The following DLG1 variants were observed in gnomAD, a reference collection of about 807,000 sequenced individuals.
DLG1 encodes discs large MAGUK scaffold protein 1.
A neutral mutation model predicts 123.4 loss-of-function variants in DLG1; 42 were observed. That is an observed-to-expected ratio of 0.34 (90% CI 0.27 to 0.44). The LOEUF (loss-of-function observed/expected upper bound fraction) is 0.44, where lower values mean the gene tolerates loss of function less well. Among genes scored for constraint, DLG1 ranks in the 20% least tolerant of loss-of-function variants. The pLI is 1.00. For synonymous variants in DLG1, 317 were observed against 356.2 expected (o/e 0.89, Z 1.24); for missense variants, 942 against 1,082.6 (o/e 0.87, Z 1.82).
intron 2 of DLG1, 92 bp downstream of exon 2, chr3:197,297,094 A>T: frequency 7.1e-7 from 1 of 1,406,086 alleles, no homozygotes; most frequent in East Asian, 2.3e-5. Flanking sequence ...GTCTCATCAA[A>T]GTTACACAAA....
intron 10 of DLG1, among the ~76,000 whole-genome samples, chr3:197,135,052 A>G (rs1784427754): frequency 6.6e-6 from 1 of 152,216 alleles, no homozygotes. Flanking sequence ...GCTACCTTAT[A>G]AAATTACAGC....
intron 4 of DLG1, among the ~76,000 whole-genome samples, chr3:197,222,859 G>A (rs544905384): frequency 1.3e-4 from 20 of 152,174 alleles, no homozygotes; most frequent in Non-Finnish European, 2.6e-4. Flanking sequence ...GCATTCTGAC[G>A]GCTTCTCTTA....
rs542949751 is a variant in DLG1, at chr3:197,084,699, C to A, written c.1838+881G>T. ...CAATATAAAAAACTGAGCATAAAAT[C>A]ATTTTAGTAAAATAAATTTATTTTT... On this transcript the variant is annotated intron_variant, in intron 16 of 24. Coordinates refer to ENST00000667157, the MANE Select transcript of DLG1 (RefSeq NM_001366207.1). Among the ~76,000 whole-genome samples, 10 of 151,742 alleles carry A rather than the reference C, an allele frequency of 6.6e-5. No homozygotes were observed. The East Asian group carries it at 1.2e-3, about 18-fold the overall frequency.
intron 15 of DLG1, among the ~76,000 whole-genome samples, chr3:197,088,208 G>T (rs1225989541): frequency 6.6e-6 from 1 of 151,936 alleles, no homozygotes; most frequent in Non-Finnish European, 1.5e-5. Flanking sequence ...AGGAACACTG[G>T]ATATTTAAAG....
chr3:197,289,341 T>TACACACACAC (rs56319334), intron 3 of DLG1, among the ~76,000 whole-genome samples: 5,596 of 150,346 alleles, frequency 0.037, 121 homozygotes, highest in East Asian at 0.076. Flanking sequence ...TACACGCGCA[T>TACACACACAC]ACACACACAC....
At chr3:197,200,394 A>C (rs1725006923) in intron 4 of DLG1, among the ~76,000 whole-genome samples, 1 of 152,186 alleles carries the variant, frequency 6.6e-6, no homozygotes, top group South Asian at 2.1e-4. Context: ...TTTAAGAAAA[A>C]CAGCAACACA....
At chr3:197,289,751 T>C (rs1465198523) in intron 3 of DLG1, among the ~76,000 whole-genome samples, 1 of 152,218 alleles carries the variant, frequency 6.6e-6, no homozygotes, top group Non-Finnish European at 1.5e-5. Context: ...CCAATGTTCA[T>C]TTAAAAAGTC....
chr3:197,192,128 T>C (rs1719932601), intron 5 of DLG1, among the ~76,000 whole-genome samples: 5 of 150,846 alleles, frequency 3.3e-5, no homozygotes. Context: ...AAGCTATGAC[T>C]GCCAATGCAC....
At chr3:197,157,430 T>C (rs534841601) in intron 5 of DLG1, among the ~76,000 whole-genome samples, 1 of 152,236 alleles carries the variant, frequency 6.6e-6, no homozygotes, top group East Asian at 1.9e-4. Context: ...TATTATAGCA[T>C]CGAAAAGAAC....
At chr3:197,290,171 A>C (rs1163287667) in intron 3 of DLG1, among the ~76,000 whole-genome samples, 1 of 152,256 alleles carries the variant, frequency 6.6e-6, no homozygotes, top group Admixed American at 6.5e-5. Flanking sequence ...TGAAAAAAAA[A>C]CAGGTATCTG....
chr3:197,223,636 G>C (rs181382931), intron 4 of DLG1, among the ~76,000 whole-genome samples: 1 of 152,288 alleles, frequency 6.6e-6, no homozygotes, highest in East Asian at 1.9e-4. Flanking sequence ...ATTGACATTA[G>C]AAGTACTGTT....
chr3:197,157,737 G>T (rs1796985605), intron 5 of DLG1, among the ~76,000 whole-genome samples: 1 of 152,008 alleles, frequency 6.6e-6, no homozygotes, highest in African/African-American at 2.4e-5. Context: ...AAGCCAAAAT[G>T]GTAATGAAAA....
chr3:197,289,370 A>AG (rs1257783963), intron 3 of DLG1, among the ~76,000 whole-genome samples: 4 of 152,234 alleles, frequency 2.6e-5, no homozygotes, highest in African/African-American at 9.6e-5. Flanking sequence ...ACACACACAA[A>AG]TAACATTCCA....
chr3:197,056,178 G>T (rs1216140062), intron 23 of DLG1, among the ~76,000 whole-genome samples: 1 of 152,172 alleles, frequency 6.6e-6, no homozygotes, highest in Non-Finnish European at 1.5e-5. Context: ...AGTAACATCA[G>T]ACAGATTCTG....
chr3:197,090,923 G>A lies in DLG1; in HGVS notation c.1650C>T (p.Ser550=). The A allele has an allele frequency of 6.3e-7, 1 of 1,599,406 alleles. No homozygotes were observed. Among genetic ancestry groups the A allele is most frequent in the Non-Finnish European group, 8.5e-7 (1 of 1,169,756 alleles). Residue 550 remains serine (S), a synonymous_variant, in exon 15 of 25, where the codon TCC becomes TCT. Coordinates refer to ENST00000667157, the MANE Select transcript of DLG1 (RefSeq NM_001366207.1). ...SGSLRTSQKR[S]LYVRALFDYD... is the part of the protein sequence containing the mutation. Reference sequence around the variant, plus strand: ...GTAAAAAAATTTACCTGACATAGAGGGATCGCTTCTGGCTAGTTCGAAGAG... The same window carrying A: ...GTAAAAAAATTTACCTGACATAGAGAGATCGCTTCTGGCTAGTTCGAAGAG...
intron 16 of DLG1, 37 bp downstream of exon 16, chr3:197,085,543 T>C (rs1307895306): frequency 6.2e-7 from 1 of 1,604,128 alleles, no homozygotes; most frequent in East Asian, 2.2e-5. Context: ...CAATTATTTA[T>C]GTTGCCTCAC....
chr3:197,172,224 G>A (rs1561225360), intron 5 of DLG1, among the ~76,000 whole-genome samples: 1 of 152,022 alleles, frequency 6.6e-6, no homozygotes, highest in South Asian at 2.1e-4. Context: ...TTGTGGTGAC[G>A]CTGGCGTAAA....
chr3:197,064,690 T>G (rs560420350), intron 22 of DLG1, among the ~76,000 whole-genome samples: 5 of 152,364 alleles, frequency 3.3e-5, no homozygotes, highest in African/African-American at 1.2e-4. Flanking sequence ...GCAAATTTTT[T>G]CTGTCAGTTG....
rs760326904 is a variant in DLG1 at position 197,130,622 on chromosome 3, G to A, written c.1070C>T (p.Ala357Val). The change falls in exon 11 of 25, where the codon GCC becomes GTC. Residue 357 changes from alanine (A) to valine (V), a missense_variant. Physicochemically the swap from Ala to Val is moderately conservative, Grantham distance 64. Transcript: ENST00000667157. The stretch of plus-strand genomic sequence containing the variant: ...AACAAAATCAGATGTGTTCTTTAAG[G>A]CAGTTACTGCTTCTTCATGAGTAAC... ...EEVTHEEAVT[A>V]LKNTSDFVYL... 9 of 1,609,634 alleles carry A rather than the reference G, an allele frequency of 5.6e-6. No individual in the cohort carries two copies. The highest frequency in any genetic ancestry group is 4.5e-5 in the East Asian group (2 of 44,658).
Sources: allele counts gnomAD v4.1 joint callset (sites outside exome capture counted in the v4.1 genomes callset), GRCh38; gene constraint gnomAD v4.1.1; transcripts MANE v1.5; gene names NCBI Gene and HGNC (gene_info 2026-07-23, HGNC 2026-07-21).